CLEC4E: variants seen among roughly 807,000 people sequenced by gnomAD.
CLEC4E encodes the protein C-type lectin domain family 4 member E, also known as C-type (calcium dependent, carbohydrate-recognition domain) lectin, superfamily member 9.
In CLEC4E, 21 loss-of-function variants were observed where a neutral mutation model predicts 24.7. That is an observed-to-expected ratio of 0.85 (90% CI 0.60 to 1.22). The LOEUF is 1.22. Ranked by LOEUF, CLEC4E falls within the 50% of genes most tolerant of loss-of-function variation. The pLI is 0.00. For synonymous variants in CLEC4E, 94 were observed against 85.7 expected (o/e 1.10, Z -0.54); for missense variants, 249 against 254.1 (o/e 0.98, Z 0.14).
At position 8,539,821 on chromosome 12, in the gene CLEC4E, A is replaced by G. The variant is rs367915252; in HGVS notation, c.130+34T>C. On this transcript the variant is annotated intron_variant, in intron 2 of 5. Transcript: ENST00000299663. ...GAGTTTTCTCCTAATATGCACCAGG[A>G]AGAATTAAATTGAATTTGACCTTCA... The G allele has an allele frequency of 9.8e-5, 132 of 1,342,606 alleles. 1 individual carries two copies. The African/African-American group carries it at 1.8e-3, about 18-fold the overall frequency. 83.2% of individuals were successfully genotyped at this position (1,342,606 alleles called of 1,614,324 possible).
intron 3 of CLEC4E, among the ~76,000 whole-genome samples, chr12:8,537,615 C>T (rs1940632096): frequency 6.6e-6 from 1 of 152,144 alleles, no homozygotes; most frequent in African/African-American, 2.4e-5. Context: ...CCCCAAAGAG[C>T]CATCTCTTAT....
intron 4 of CLEC4E, among the ~76,000 whole-genome samples, 186 bp from the exon 5 acceptor site, chr12:8,536,391 A>G (rs1345592639): frequency 6.6e-6 from 1 of 152,150 alleles, no homozygotes; most frequent in Non-Finnish European, 1.5e-5. Flanking sequence ...CCCTGTCTCT[A>G]CTAAAAGTAT....
intron 1 of CLEC4E, 119 bp from the exon 2 acceptor site, chr12:8,540,066 A>T: frequency 1.4e-6 from 1 of 702,468 alleles, no homozygotes; most frequent in Non-Finnish European, 2.5e-6. Context: ...GTACTGAGTA[A>T]TTCCCAAATT....
intron 2 of CLEC4E, 69 bp downstream of exon 2, chr12:8,539,786 C>T: frequency 1.0e-6 from 1 of 963,196 alleles, no homozygotes; most frequent in Non-Finnish European, 1.7e-6. Flanking sequence ...AGTCTACAGG[C>T]AGCATGGAAG....
intron 3 of CLEC4E, 68 bp from the exon 4 acceptor site, chr12:8,537,334 G>GC: frequency 6.9e-7 from 1 of 1,453,350 alleles, no homozygotes; most frequent in Non-Finnish European, 9.4e-7. Flanking sequence ...GCTTCATCTG[G>GC]CCCCATGGAG....
At chr12:8,539,374 G>A (rs946619637) in intron 2 of CLEC4E, 68 bp from the exon 3 acceptor site, 28 of 985,328 alleles carry the variant, frequency 2.8e-5, no homozygotes, top group Non-Finnish European at 4.0e-5. Flanking sequence ...CCTCAGTTTT[G>A]TATTTATAAC....
In CLEC4E at chr12:8,540,893, A is replaced by G. The variant is rs974544331; in HGVS notation, c.-96T>C. 7.2e-6 allele frequency: 6 copies of G among 828,154 alleles called. No homozygotes were observed. The highest frequency in any genetic ancestry group is 1.3e-5 in the Non-Finnish European group (6 of 476,542). The allele number at this position is 828,154 out of a possible 1,614,324, so 51.3% of individuals were successfully genotyped here. ...CAGGAGTGTTTTGTTGGTAAGATTC[A>G]GGGAGAATGAATCTTGAAAGATAAA... On this transcript the variant is annotated 5_prime_UTR_variant, in exon 1 of 6. Transcript: ENST00000299663.
rs2136396187 is a variant in CLEC4E at position 8,534,578 on chromosome 12, G to A, written c.*60C>T. The A allele has an allele frequency of 7.5e-7, 1 of 1,332,066 alleles. No individual in the cohort carries two copies. The highest frequency in any genetic ancestry group is 1.0e-6 in the Non-Finnish European group (1 of 953,660). 82.5% of individuals were successfully genotyped at this position (1,332,066 alleles called of 1,614,324 possible). On this transcript the variant is annotated 3_prime_UTR_variant, in exon 6 of 6. Coordinates refer to ENST00000299663, the MANE Select transcript of CLEC4E (RefSeq NM_014358.4). ...GCGCACAAATTTCTCGTGTGGGGCGGTGGGTGTGGCCATGTTCTTGCTCTT... is the reference window on the plus strand; with the variant it reads ...GCGCACAAATTTCTCGTGTGGGGCGATGGGTGTGGCCATGTTCTTGCTCTT...
At chr12:8,538,464 C>T (rs938341414) in intron 3 of CLEC4E, among the ~76,000 whole-genome samples, 1 of 152,248 alleles carries the variant, frequency 6.6e-6, no homozygotes, top group Non-Finnish European at 1.5e-5. Flanking sequence ...ATGACCTTAC[C>T]TATCATTGGA....
intron 1 of CLEC4E, 46 bp from the exon 2 acceptor site, chr12:8,539,993 G>A (rs1940675824): frequency 1.7e-6 from 2 of 1,148,590 alleles, no homozygotes; most frequent in East Asian, 4.7e-5. Context: ...CCTAAGCAAG[G>A]TACAAAAGAG....
rs756443256 is a variant in CLEC4E, at chr12:8,534,799, C to T, written c.499G>A (p.Val167Ile). The part of the protein sequence containing the change: ...PLTKSLSFWD[V>I]GEPNNIATLE... ...GTAGCTATGTTGTTGGGCTCCCCTA[C>T]ATCCCAGAAGCTGAAAAAGAATGAC... Residue 167 changes from valine (V) to isoleucine (I), a missense_variant, in exon 6 of 6, where the codon GTA becomes ATA. Transcript: ENST00000299663. 3.7e-6 allele frequency: 6 copies of T among 1,612,770 alleles called. No individual in the cohort carries two copies. In the Admixed American group the frequency reaches 1.0e-4, roughly 27 times the overall value.
chr12:8,539,733 A>G (rs1591726266), intron 2 of CLEC4E, 122 bp downstream of exon 2: 5 of 670,626 alleles, frequency 7.5e-6, no homozygotes, highest in Admixed American at 2.4e-5. Context: ...TTAATAGGGA[A>G]AAAAAAAAGG....
rs1940614189 is a variant in CLEC4E at position 8,536,350 on chromosome 12, G to A, written c.373-145C>T. 8.4e-6 allele frequency: 4 copies of A among 475,866 alleles called. 1 individual carries two copies. Among genetic ancestry groups the A allele is most frequent in the Non-Finnish European group, 1.6e-5 (4 of 254,434 alleles). 29.5% of individuals were successfully genotyped at this position (475,866 alleles called of 1,614,324 possible). On this transcript the variant is annotated intron_variant, in intron 4 of 5. Transcript: ENST00000299663. ...GCGGGTGGATCACCTGAGGTCAGGA[G>A]TTCAAGACCAGCTTGACCAACATGG...
At position 8,539,294 on chromosome 12, in the gene CLEC4E, A is replaced by C; in HGVS notation, c.143T>G (p.Ile48Ser). Reference sequence around the variant, plus strand: ...CTTTTTCTCATCACAGGTTTGAAAGATGCGAAATGTCACTGTAAAAGAAAG... The same window carrying C: ...CTTTTTCTCATCACAGGTTTGAAAGCTGCGAAATGTCACTGTAAAAGAAAG... ...FITRCVVTFR[I>S]FQTCDEKKFQ... Residue 48 changes from isoleucine to serine, a missense_variant, in exon 3 of 6, where the codon ATC becomes AGC. Physicochemically the swap from Ile to Ser is moderately radical, Grantham distance 142 (BLOSUM62 -2). Coordinates refer to ENST00000299663, the MANE Select transcript of CLEC4E (RefSeq NM_014358.4). The C allele has an allele frequency of 6.2e-7, 1 of 1,608,820 alleles. No homozygotes were observed. The highest frequency in any genetic ancestry group is 8.5e-7 in the Non-Finnish European group (1 of 1,176,988).
In CLEC4E at chr12:8,539,206, G is replaced by A; in HGVS notation, c.220+11C>T. On this transcript the variant is annotated intron_variant, in intron 3 of 5. Transcript: ENST00000299663. ...TGTAAATTTTGATGTTCACCTTTGG[G>A]ACTATTATACCTGATCCATAATTGT... The A allele has an allele frequency of 6.4e-7, 1 of 1,569,352 alleles. No individual in the cohort carries two copies. Among genetic ancestry groups the A allele is most frequent in the Non-Finnish European group, 8.8e-7 (1 of 1,141,924 alleles).
chr12:8,537,423 T>C (rs1364852893), intron 3 of CLEC4E, among the ~76,000 whole-genome samples, 157 bp from the exon 4 acceptor site: 2 of 152,220 alleles, frequency 1.3e-5, no homozygotes, highest in Admixed American at 6.5e-5. Context: ...ATAATTCCAA[T>C]GTCAAGAAAC....
chr12:8,535,261 ATC>A (rs1940596977), intron 5 of CLEC4E, among the ~76,000 whole-genome samples: 1 of 152,192 alleles, frequency 6.6e-6, no homozygotes, highest in Admixed American at 6.5e-5. Flanking sequence ...ATGTCAGAGT[ATC>A]TCTGTTGTAC....
At chr12:8,540,015 T>C (rs1565496847) in intron 1 of CLEC4E, 68 bp from the exon 2 acceptor site, 4 of 966,620 alleles carry the variant, frequency 4.1e-6, no homozygotes, top group Middle Eastern at 2.1e-4. Flanking sequence ...TAGAAGAGAT[T>C]CTTATTCATC....
At chr12:8,534,836 A>C (rs768446474) in intron 5 of CLEC4E, 27 bp from the exon 6 acceptor site, 2 of 1,585,370 alleles carry the variant, frequency 1.3e-6, no homozygotes, top group Non-Finnish European at 1.7e-6. Context: ...TAGGAGACTT[A>C]AAATCCCAGC....
Sources: gnomAD v4.1 joint callset for allele counts (sites outside exome capture counted in the v4.1 genomes callset) on GRCh38, gnomAD v4.1.1 for gene constraint, MANE v1.5 for transcripts, NCBI Gene and HGNC (gene_info 2026-07-23, HGNC 2026-07-21) for gene names.